NIN: variants seen among roughly 807,000 people sequenced by gnomAD.
The protein encoded by NIN is ninein, also known as glycogen synthase kinase 3 beta-interacting protein.
A neutral mutation model predicts 257.6 loss-of-function variants in NIN; 137 were observed. The ratio of observed to expected loss-of-function variants is 0.53; its 90% CI spans 0.46 to 0.61. NIN has a LOEUF of 0.61. NIN is among the 20% of genes least tolerant of loss of function. The pLI is 0.00. For synonymous variants in NIN, 918 were observed against 919.8 expected, an observed-to-expected ratio of 1.00 and a Z score of 0.04; for missense variants, 2,439 against 2,501.2, an observed-to-expected ratio of 0.98 and a Z score of 0.53.
At position 50,723,024 on chromosome 14, in the gene NIN, C is replaced by A. The variant is rs1385455201; in HGVS notation, c.*439G>T. 1 of 211,134 alleles carries A rather than the reference C, an allele frequency of 4.7e-6. No homozygotes were observed. Among genetic ancestry groups the A allele is most frequent in the Non-Finnish European group, 9.6e-6 (1 of 104,586 alleles). 13.1% of individuals were successfully genotyped at this position (211,134 alleles called of 1,614,324 possible). A position where few individuals can be genotyped will look rare whatever the true frequency, so the allele number is the denominator to read the frequency against. On this transcript the variant is annotated 3_prime_UTR_variant, in exon 31 of 31. Coordinates refer to ENST00000530997, the MANE Select transcript of NIN (RefSeq NM_020921.4). Reference sequence around the variant, plus strand: ...GAACCAAAACTATTATAATGACTTTCCAGTATTTAAATATGTAAGAACACC... The same window carrying A: ...GAACCAAAACTATTATAATGACTTTACAGTATTTAAATATGTAAGAACACC...
chr14:50,776,474 T>C (rs575357885), intron 7 of NIN, among the ~76,000 whole-genome samples: 1 of 152,326 alleles, frequency 6.6e-6, no homozygotes, highest in African/African-American at 2.4e-5. Flanking sequence ...GCAAGCAAGA[T>C]TTTTCTATAT....
rs1433468746 is a variant in NIN, at chr14:50,770,856, G to C, written c.1255C>G (p.Leu419Val). The C allele has an allele frequency of 3.7e-6, 6 of 1,613,060 alleles. No individual in the cohort carries two copies. Among genetic ancestry groups the C allele is most frequent in the Non-Finnish European group, 5.1e-6 (6 of 1,179,662 alleles). ...AAIERRNEYN[L>V]RKLDEEYKER... ...GCCTCACTCTGCTGGCCTCACCTGAGGTTGTACTCATTCCGCCGCTCTATG... is the reference window on the plus strand; with the variant it reads ...GCCTCACTCTGCTGGCCTCACCTGACGTTGTACTCATTCCGCCGCTCTATG... Residue 419 changes from leucine to valine, a missense_variant, in exon 11 of 31, where the codon CTC becomes GTC. By Grantham distance (32) the Leu-to-Val change is conservative (BLOSUM62 1). Around this residue, in one of 3 missense-constraint regions of NIN, gnomAD observed 2,043 missense variants for 2,050.2 expected, o/e 1.00. Coordinates refer to ENST00000530997, the MANE Select transcript of NIN (RefSeq NM_020921.4).
In NIN at chr14:50,777,125, A is replaced by G. The variant is rs2042953740; in HGVS notation, c.490T>C (p.Trp164Arg). ...GAAGCATTCAAGTCATCTGGGTTCC[A>G]AAACCTTAACTGGCCTGAGAGAGAA... is the stretch of plus-strand genomic sequence containing the variant. ...EYEAEGQLRF[W>R]NPDDLNASQS... is the part of the protein sequence containing the mutation. Residue 164 changes from tryptophan to arginine, a missense_variant, in exon 7 of 31, where the codon TGG becomes CGG. By Grantham distance (101) the Trp-to-Arg change is moderately radical. Transcript: ENST00000530997. 6.2e-7 allele frequency: 1 copy of G among 1,610,004 alleles called. No homozygotes were observed. The highest frequency in any genetic ancestry group is 1.3e-5 in the African/African-American group (1 of 74,782).
intron 27 of NIN, among the ~76,000 whole-genome samples, chr14:50,736,382 C>G (rs191492857): frequency 1.3e-5 from 2 of 152,110 alleles, no homozygotes; most frequent in East Asian, 3.9e-4. Context: ...CGTGATCTGC[C>G]CACCTCGGCC....
chr14:50,764,083 C>T, intron 14 of NIN, 119 bp from the exon 15 acceptor site: 2 of 820,172 alleles, frequency 2.4e-6, no homozygotes, highest in South Asian at 3.4e-5. Flanking sequence ...TCAAAGGACA[C>T]TATCAAGAAA....
chr14:50,818,105 C>T (rs945242202), intron 3 of NIN, among the ~76,000 whole-genome samples: 6 of 151,562 alleles, frequency 4.0e-5, no homozygotes, highest in East Asian at 2.0e-4. Flanking sequence ...GGGCGGATCA[C>T]GAGGTCAGGA....
chr14:50,747,531 C>T (rs1390575596), intron 22 of NIN, among the ~76,000 whole-genome samples: 2 of 152,032 alleles, frequency 1.3e-5, no homozygotes, highest in African/African-American at 4.8e-5. Context: ...CCCAGGAATT[C>T]AAGACCAGCC....
chr14:50,735,356 G>A (rs992366253), intron 28 of NIN, among the ~76,000 whole-genome samples, 160 bp downstream of exon 28: 1 of 152,202 alleles, frequency 6.6e-6, no homozygotes, highest in Non-Finnish European at 1.5e-5. Context: ...AAGCAAAGTT[G>A]TCTGTTAAAC....
At chr14:50,729,861 G>T in intron 28 of NIN, 138 bp from the exon 29 acceptor site, 1 of 598,066 alleles carries the variant, frequency 1.7e-6, no homozygotes, top group Non-Finnish European at 2.8e-6. Context: ...AAACAGGACA[G>T]CATATGGGCC....
chr14:50,759,548 C>T (rs1314581915), intron 17 of NIN, among the ~76,000 whole-genome samples: 1 of 150,904 alleles, frequency 6.6e-6, no homozygotes, highest in Non-Finnish European at 1.5e-5. Flanking sequence ...GGCTGGAGTG[C>T]AGTAGCGCGA....
chr14:50,766,355 T>C lies in NIN; in HGVS notation c.1587A>G (p.Gln529=). 1 of 1,614,136 alleles carries C rather than the reference T, an allele frequency of 6.2e-7. No individual in the cohort carries two copies. The highest frequency in any genetic ancestry group is 8.5e-7 in the Non-Finnish European group (1 of 1,180,000). ...LDPSSAEFFL[Q]EERLTQMRNE... ...TTCTCATCTGTGTCAGTCTCTCTTC[T>C]TGCAGGAAGAACTCAGCACTGCTAG... is the stretch of plus-strand genomic sequence containing the variant. Residue 529 remains glutamine (Q), a synonymous_variant, in exon 14 of 31, where the codon CAA becomes CAG. Coordinates refer to ENST00000530997, the MANE Select transcript of NIN (RefSeq NM_020921.4).
At position 50,765,843 on chromosome 14, in the gene NIN, GTTTT is replaced by G. The variant is rs34321797; in HGVS notation, c.1635+460_1635+463del. On this transcript the variant is annotated intron_variant, in intron 14 of 30. Coordinates refer to ENST00000530997, the MANE Select transcript of NIN (RefSeq NM_020921.4). ...AATAATGTTAATAGCTAACATTTAT[GTTTT>G]TTTTTTTTAATTTTATTATACTTTA... 3.4e-5 allele frequency among the ~76,000 whole-genome samples: 5 copies of G among 146,966 alleles called. No individual in the cohort carries two copies. In the South Asian group the frequency reaches 6.4e-4, roughly 19 times the overall value.
chr14:50,752,169 T>TA (rs895849315), intron 21 of NIN, among the ~76,000 whole-genome samples: 16 of 151,800 alleles, frequency 1.1e-4, no homozygotes, highest in South Asian at 2.1e-4. Flanking sequence ...TTTTTTTTTT[T>TA]TATATTTAGT....
At chr14:50,774,189 T>C (rs2042836520) in intron 7 of NIN, among the ~76,000 whole-genome samples, 1 of 152,242 alleles carries the variant, frequency 6.6e-6, no homozygotes, top group African/African-American at 2.4e-5. Flanking sequence ...CTTGTTGCAT[T>C]TGAGCCTACA....
chr14:50,748,366 A>G (rs2041646022), intron 21 of NIN, among the ~76,000 whole-genome samples: 1 of 152,094 alleles, frequency 6.6e-6, no homozygotes, highest in South Asian at 2.1e-4. Flanking sequence ...CACAGCCAGT[A>G]TCATAATGGG....
Position 50,754,877 on chromosome 14 carries a change from A to G in NIN, c.4539-10T>C. Reference sequence around the variant, plus strand: ...CTTTTCAGATTCATATCTGAAGCACAGAGATTGAAAAAAATTGTTACAAGG... The same window carrying G: ...CTTTTCAGATTCATATCTGAAGCACGGAGATTGAAAAAAATTGTTACAAGG... On this transcript the variant is annotated splice_polypyrimidine_tract_variant and intron_variant, in intron 18 of 30. Transcript: ENST00000530997. 1.9e-6 allele frequency: 3 copies of G among 1,539,048 alleles called. No homozygotes were observed. Among genetic ancestry groups the G allele is most frequent in the Non-Finnish European group, 2.6e-6 (3 of 1,146,376 alleles).
chr14:50,753,174 C>T (rs960802410), intron 20 of NIN, among the ~76,000 whole-genome samples: 3 of 152,112 alleles, frequency 2.0e-5, no homozygotes, highest in East Asian at 1.9e-4. Flanking sequence ...CCGAGACAGG[C>T]GGATCACCTG....
Position 50,758,438 on chromosome 14 carries a change from C to T in NIN, c.2592G>A (p.Glu864=). ...GGGCTTCCGCACACTCCTGGGTGAG[C>T]TCGTCCTTCTCAAATTCCCACTGGG... ...EKSQWEFEKD[E]LTQECAEAQE... The change falls in exon 18 of 31, where the codon GAG becomes GAA. Residue 864 remains glutamate (E), a synonymous_variant. Transcript: ENST00000530997. 1.2e-6 allele frequency: 2 copies of T among 1,614,134 alleles called. No individual in the cohort carries two copies. The highest frequency in any genetic ancestry group is 2.2e-5 in the South Asian group (2 of 91,068).
At chr14:50,751,725 T>C (rs11620674) in intron 21 of NIN, among the ~76,000 whole-genome samples, 79,152 of 151,982 alleles carry the variant, frequency 0.52, 21,272 homozygotes, top group African/African-American at 0.63. Context: ...TGGAGTCTTG[T>C]TATGTTGTCC....
Sources: gnomAD v4.1 joint callset for allele counts (sites outside exome capture counted in the v4.1 genomes callset) on GRCh38, gnomAD v4.1.1 for gene constraint, gnomAD v4.1.1 regional missense constraint, MANE v1.5 for transcripts, NCBI Gene and HGNC (gene_info 2026-07-23, HGNC 2026-07-21) for gene names.